Variants in TANC2 observed in about 807,000 individuals in gnomAD.
The protein encoded by TANC2 is tetratricopeptide repeat, ankyrin repeat and coiled-coil containing 2.
TANC2 carries 26 observed loss-of-function variants against 210.5 expected under a neutral mutation model. The ratio of observed to expected loss-of-function variants is 0.12; its 90% CI spans 0.09 to 0.17. The LOEUF (loss-of-function observed/expected upper bound fraction) is 0.17. Ranked by LOEUF, TANC2 falls within the 10% of genes least tolerant of loss-of-function variation. The pLI is 1.00. For missense variants in TANC2, 2,129 were observed against 2,608.9 expected, an observed-to-expected ratio of 0.82 and a Z score of 4.01; for synonymous variants, 931 against 967.1, an observed-to-expected ratio of 0.96 and a Z score of 0.69.
At chr17:63,022,638 A>G (rs1175181501) in intron 2 of TANC2, among the ~76,000 whole-genome samples, 2 of 152,176 alleles carry the variant, frequency 1.3e-5, no homozygotes, top group Non-Finnish European at 2.9e-5. Flanking sequence ...CTAGTCATCA[A>G]ATTCATGGGA....
At chr17:63,061,470 T>G (rs1007312022) in intron 2 of TANC2, among the ~76,000 whole-genome samples, 1 of 152,174 alleles carries the variant, frequency 6.6e-6, no homozygotes, top group African/African-American at 2.4e-5. Context: ...TTAGTAGAAT[T>G]TAGTGCATTG....
intron 7 of TANC2, among the ~76,000 whole-genome samples, chr17:63,215,349 A>G (rs1360718635): frequency 2.0e-5 from 3 of 152,172 alleles, no homozygotes; most frequent in East Asian, 3.9e-4. Flanking sequence ...AAATATGTCT[A>G]TTTGGTCTTT....
intron 4 of TANC2, among the ~76,000 whole-genome samples, chr17:63,105,269 A>G (rs531167763): frequency 4.6e-5 from 7 of 151,846 alleles, no homozygotes; most frequent in African/African-American, 9.7e-5. Context: ...TGGCAATCCA[A>G]TTTGGATGGT....
At chr17:63,268,200 G>A (rs183209271) in intron 9 of TANC2, among the ~76,000 whole-genome samples, 3 of 152,274 alleles carry the variant, frequency 2.0e-5, no homozygotes, top group Middle Eastern at 3.4e-3. Context: ...AAGTGACTGC[G>A]GACCAGATTC....
intron 4 of TANC2, among the ~76,000 whole-genome samples, chr17:63,116,262 G>T (rs1486549574): frequency 6.6e-6 from 1 of 152,168 alleles, no homozygotes; most frequent in African/African-American, 2.4e-5. Context: ...ATATTTTTCT[G>T]CACCAGTCAT....
chr17:63,262,097 T>C (rs1412813827), intron 8 of TANC2, among the ~76,000 whole-genome samples: 2 of 152,198 alleles, frequency 1.3e-5, no homozygotes, highest in Middle Eastern at 3.2e-3. Context: ...TAAATTAGTA[T>C]AACACACACA....
chr17:63,411,459 T>G, intron 21 of TANC2, 52 bp from the exon 22 acceptor site: 1 of 1,540,992 alleles, frequency 6.5e-7, no homozygotes. Context: ...CTTCCCCTCC[T>G]GCTGTGTGAT....
At chr17:63,090,447 G>A (rs2037142899) in intron 3 of TANC2, among the ~76,000 whole-genome samples, 1 of 151,938 alleles carries the variant, frequency 6.6e-6, no homozygotes, top group Admixed American at 6.6e-5. Context: ...CCACCTATGA[G>A]TGAGAACGTG....
chr17:63,355,138 G>T, exon 14 of TANC2: 1 of 1,613,836 alleles, frequency 6.2e-7, no homozygotes, highest in South Asian at 1.1e-5. Context: ...TCCTTTGACC[G>T]GGTGATGCCT....
At chr17:63,333,949 A>G (rs941293257) in intron 11 of TANC2, 2 of 152,234 alleles carry the variant, frequency 1.3e-5, no homozygotes, top group Non-Finnish European at 2.9e-5. Flanking sequence ...ACATAATGCT[A>G]TTGCACACTT....
intron 8 of TANC2, among the ~76,000 whole-genome samples, chr17:63,262,098 AAC>A (rs902941146): frequency 6.6e-5 from 10 of 152,266 alleles, no homozygotes; most frequent in East Asian, 3.9e-4. Context: ...AAATTAGTAT[AAC>A]ACACACACAC....
intron 5 of TANC2, among the ~76,000 whole-genome samples, chr17:63,160,951 T>C (rs939032131): frequency 1.3e-5 from 2 of 152,208 alleles, no homozygotes; most frequent in African/African-American, 4.8e-5. Context: ...AGAAAAGCAT[T>C]GTGTATTTGA....
At chr17:63,107,166 A>G (rs2037858515) in intron 4 of TANC2, among the ~76,000 whole-genome samples, 1 of 151,670 alleles carries the variant, frequency 6.6e-6, no homozygotes, top group Admixed American at 6.6e-5. Flanking sequence ...GTCAAATAAG[A>G]TAAAATAAGT....
At chr17:63,211,675 A>G (rs1369112312) in intron 7 of TANC2, among the ~76,000 whole-genome samples, 2 of 152,078 alleles carry the variant, frequency 1.3e-5, no homozygotes, top group East Asian at 1.9e-4. Flanking sequence ...GGTATTATGC[A>G]TAGTTTTTGA....
chr17:63,414,623 GC>G (rs1356964193), intron 25 of TANC2, among the ~76,000 whole-genome samples: 2 of 152,164 alleles, frequency 1.3e-5, no homozygotes, highest in East Asian at 3.8e-4. Context: ...AATATGCAGT[GC>G]CATTATTGTT....
At chr17:63,387,027 A>AT (rs1160311975) in intron 15 of TANC2, among the ~76,000 whole-genome samples, 1 of 151,594 alleles carries the variant, frequency 6.6e-6, no homozygotes, top group Admixed American at 6.6e-5. Context: ...TAATATTTTA[A>AT]TTTTTTTGTA....
chr17:63,134,241 T>G (rs2039014970), intron 4 of TANC2, among the ~76,000 whole-genome samples: 1 of 152,166 alleles, frequency 6.6e-6, no homozygotes, highest in Non-Finnish European at 1.5e-5. Context: ...ACCAACTTCT[T>G]ATAATTTTGT....
intron 15 of TANC2, among the ~76,000 whole-genome samples, chr17:63,383,781 C>A (rs1165990894): frequency 6.6e-6 from 1 of 152,136 alleles, no homozygotes; most frequent in Non-Finnish European, 1.5e-5. Context: ...CAAGACATTG[C>A]CAGACTAGTT....
At chr17:63,111,750 T>C (rs2038055638) in intron 4 of TANC2, among the ~76,000 whole-genome samples, 1 of 152,154 alleles carries the variant, frequency 6.6e-6, no homozygotes, top group Non-Finnish European at 1.5e-5. Context: ...TTTTTGAGAC[T>C]GTATCTCACT....
Sources: gnomAD v4.1 joint callset for allele counts (sites outside exome capture counted in the v4.1 genomes callset) on GRCh38, gnomAD v4.1.1 for gene constraint, MANE v1.5 for transcripts, NCBI Gene and HGNC (gene_info 2026-07-23, HGNC 2026-07-21) for gene names.